The following KIF26B variants were observed in gnomAD, a reference collection of about 807,000 sequenced individuals.
KIF26B encodes the protein kinesin-like protein KIF26B.
KIF26B carries 63 observed loss-of-function variants against 151.2 expected under a neutral mutation model. That is an observed-to-expected ratio of 0.42 (90% CI 0.34 to 0.51). KIF26B has a LOEUF of 0.51. Ranked by LOEUF, KIF26B falls within the 20% of genes least tolerant of loss-of-function variation. The probability of loss-of-function intolerance (pLI) is 0.07; values close to 1 mark genes in which losing one functional copy is unlikely to be tolerated. For synonymous variants in KIF26B, 1,357 were observed against 1,262.1 expected (o/e 1.08, Z -1.59); for missense variants, 2,813 against 2,913.6 (o/e 0.97, Z 0.79).
At chr1:245,386,462 C>T (rs374583531) in intron 3 of KIF26B, among the ~76,000 whole-genome samples, 1 of 152,078 alleles carries the variant, frequency 6.6e-6, no homozygotes, top group Non-Finnish European at 1.5e-5. Context: ...GATGAGGGAG[C>T]GTGCTACTTC....
At chr1:245,274,104 A>G (rs1398927005) in intron 2 of KIF26B, among the ~76,000 whole-genome samples, 2 of 152,222 alleles carry the variant, frequency 1.3e-5, no homozygotes, top group Non-Finnish European at 2.9e-5. Flanking sequence ...TAAGCTGACA[A>G]CAACTTCAGT....
intron 2 of KIF26B, among the ~76,000 whole-genome samples, chr1:245,234,717 T>A (rs1346847429): frequency 6.6e-6 from 1 of 152,224 alleles, no homozygotes; most frequent in African/African-American, 2.4e-5. Flanking sequence ...AGGGCACTGA[T>A]TTATTCAGCA....
chr1:245,384,792 AC>A (rs1322629816), intron 3 of KIF26B, among the ~76,000 whole-genome samples: 5 of 152,232 alleles, frequency 3.3e-5, no homozygotes, highest in Non-Finnish European at 7.3e-5. Flanking sequence ...TTAATAGTAA[AC>A]TTGTTTAGGA....
chr1:245,432,993 C>T (rs1224765115), intron 4 of KIF26B, among the ~76,000 whole-genome samples: 1 of 152,170 alleles, frequency 6.6e-6, no homozygotes, highest in African/African-American at 2.4e-5. Flanking sequence ...GTTTCTATTT[C>T]TTCTGTCCTA....
At chr1:245,205,269 GT>G (rs1669379334) in intron 2 of KIF26B, among the ~76,000 whole-genome samples, 2 of 152,120 alleles carry the variant, frequency 1.3e-5, no homozygotes, top group African/African-American at 2.4e-5. Context: ...GTAGTGTATT[GT>G]TTTTGTAAAT....
chr1:245,606,619 G>C lies in KIF26B; in HGVS notation c.1558-1032G>C, dbSNP rs115880520. On this transcript the variant is annotated intron_variant, in intron 6 of 14. Transcript: ENST00000407071. The surrounding 1 kb of genome is among the most constrained non-coding windows in gnomAD (Gnocchi z 4.6). ...CAGGGGAAATACAAAACATCATCGA[G>C]AGCCTGGTCCCTGTCTAGGATTTAA... is the stretch of plus-strand genomic sequence containing the variant. Among the ~76,000 whole-genome samples, 691 of 152,300 alleles carry C rather than the reference G, an allele frequency of 4.5e-3. 7 individuals carry two copies. Among genetic ancestry groups the C allele is most frequent in the African/African-American group, 0.015 (633 of 41,554 alleles).
intron 2 of KIF26B, among the ~76,000 whole-genome samples, chr1:245,236,344 C>T (rs1057245582): frequency 1.1e-4 from 17 of 152,234 alleles, no homozygotes; most frequent in African/African-American, 3.6e-4. Context: ...TTAGTTTTAA[C>T]CTCATTCAGC....
intron 8 of KIF26B, among the ~76,000 whole-genome samples, chr1:245,610,649 A>G (rs10924250): frequency 0.44 from 67,458 of 152,064 alleles, 15,366 homozygotes; most frequent in East Asian, 0.66. Flanking sequence ...ACCCCCATTC[A>G]TTTTTAGAAC....
chr1:245,285,128 G>GC lies in KIF26B; in HGVS notation c.466-81705dup, dbSNP rs564758589. On this transcript the variant is annotated intron_variant, in intron 2 of 14. Transcript: ENST00000407071. ...GTTAGGGTCTGCTGGTCCAGGCTGT[G>GC]CTCAGCTCAGCTTGGTGCCCCGCTG... 1.5e-4 allele frequency among the ~76,000 whole-genome samples: 23 copies of GC among 152,356 alleles called. 1 individual carries two copies. In the South Asian group the frequency reaches 4.8e-3, roughly 32 times the overall value.
chr1:245,337,518 A>ATGTGTG (rs74163041), intron 2 of KIF26B, among the ~76,000 whole-genome samples: 20 of 145,546 alleles, frequency 1.4e-4, no homozygotes, highest in Admixed American at 4.8e-4. Context: ...TACTTAGGAA[A>ATGTGTG]TGTGTGTGTG....
chr1:245,366,951 A>G lies in KIF26B; in HGVS notation c.583A>G (p.Lys195Glu). ...TTGCGCCACTCACCTGAACCAGTTG[A>G]AGCAGGAGGCCATCCAGATGGTGCT... ...DICATHLNQL[K>E]QEAIQMVLTL... The change falls in exon 3 of 15, where the codon AAG becomes GAG. Residue 195 changes from lysine (K) to glutamate (E), a missense_variant. Physicochemically the swap from Lys to Glu is moderately conservative, Grantham distance 56. Coordinates refer to ENST00000407071, the MANE Select transcript of KIF26B (RefSeq NM_018012.4). 1 of 1,614,012 alleles carries G rather than the reference A, an allele frequency of 6.2e-7. No homozygotes were observed. The highest frequency in any genetic ancestry group is 1.3e-5 in the African/African-American group (1 of 75,054).
In KIF26B at chr1:245,361,124, G is replaced by A. The variant is rs375933194; in HGVS notation, c.466-5710G>A. Among the ~76,000 whole-genome samples, 8 of 152,172 alleles carry A rather than the reference G, an allele frequency of 5.3e-5. 1 individual carries two copies. The highest frequency in any genetic ancestry group is 1.7e-4 in the African/African-American group (7 of 41,514). On this transcript the variant is annotated intron_variant, in intron 2 of 14. Coordinates refer to ENST00000407071, the MANE Select transcript of KIF26B (RefSeq NM_018012.4). ...TTAAACATCTCCCTTTTCTTTTGAC[G>A]TGGAAAAGTCTTTACCTTCTGCAAT... is the stretch of plus-strand genomic sequence containing the variant.
chr1:245,319,256 C>T (rs1671838316), intron 2 of KIF26B, among the ~76,000 whole-genome samples: 1 of 152,252 alleles, frequency 6.6e-6, no homozygotes. Context: ...CTCCTGGGCT[C>T]TCTGACTTTG....
At chr1:245,663,360 C>A (rs937392600) in intron 10 of KIF26B, among the ~76,000 whole-genome samples, 2 of 144,366 alleles carry the variant, frequency 1.4e-5, no homozygotes, top group African/African-American at 5.2e-5. Flanking sequence ...TCAAACATGG[C>A]CAGAAGCAGA....
chr1:245,417,651 AG>A (rs1674452995), intron 3 of KIF26B, among the ~76,000 whole-genome samples: 1 of 152,232 alleles, frequency 6.6e-6, no homozygotes, highest in African/African-American at 2.4e-5. Flanking sequence ...CTAGTCAGGA[AG>A]CTCGTGCATT....
chr1:245,170,309 G>C lies in KIF26B; in HGVS notation c.465+13626G>C, dbSNP rs1266394539. ...GCATTTATGGGTCGGCTGGTTTGAG[G>C]GTCCTTGCATTTCTTGTCAGTCAAT... On this transcript the variant is annotated intron_variant, in intron 2 of 14. Transcript: ENST00000407071. This position sits in a 1 kb window ranked among gnomAD's most constrained non-coding sequence, Gnocchi z 4.4. Among the ~76,000 whole-genome samples, 2 of 152,122 alleles carry C rather than the reference G, an allele frequency of 1.3e-5. No individual in the cohort carries two copies. The highest frequency in any genetic ancestry group is 4.8e-5 in the African/African-American group (2 of 41,404).
chr1:245,229,052 C>T (rs569404392), intron 2 of KIF26B, among the ~76,000 whole-genome samples: 103 of 152,208 alleles, frequency 6.8e-4, no homozygotes, highest in African/African-American at 2.2e-3. Context: ...CTGCAGCCTC[C>T]GCCTCCCAGG....
intron 10 of KIF26B, among the ~76,000 whole-genome samples, chr1:245,672,434 C>T (rs2044299814): frequency 6.6e-6 from 1 of 152,210 alleles, no homozygotes; most frequent in Non-Finnish European, 1.5e-5. Context: ...CCTCCCAAAC[C>T]AGTCTGAATC....
chr1:245,308,656 G>A (rs1201208298), intron 2 of KIF26B, among the ~76,000 whole-genome samples: 1 of 152,150 alleles, frequency 6.6e-6, no homozygotes, highest in Non-Finnish European at 1.5e-5. Flanking sequence ...CACCTGAGCT[G>A]AGGAGGTTGA....
Sources: allele counts gnomAD v4.1 joint callset (sites outside exome capture counted in the v4.1 genomes callset), GRCh38; gene constraint gnomAD v4.1.1; non-coding constraint Gnocchi (gnomAD v3.1); transcripts MANE v1.5; gene names NCBI Gene and HGNC (gene_info 2026-07-23, HGNC 2026-07-21).